GALNT13: variants seen among roughly 807,000 people sequenced by gnomAD.
GALNT13 encodes UDP-GalNAc:polypeptide N-acetylgalactosaminyltransferase 13.
GALNT13 carries 28 observed loss-of-function variants against 64.2 expected under a neutral mutation model. The ratio of observed to expected loss-of-function variants is 0.44; its 90% CI spans 0.32 to 0.60. The LOEUF (loss-of-function observed/expected upper bound fraction) is 0.60. Among genes scored for constraint, GALNT13 ranks in the 20% least tolerant of loss-of-function variants. The pLI, the probability that GALNT13 is intolerant of heterozygous loss-of-function variation, is 0.05. For missense variants in GALNT13, 577 were observed against 669.8 expected (o/e 0.86, Z 1.53); for synonymous variants, 214 against 224.6 (o/e 0.95, Z 0.42).
the GALNT13 span, among the ~76,000 whole-genome samples, chr2:153,098,572 A>C: frequency 2.6e-5 from 4 of 152,342 alleles, no homozygotes; most frequent in South Asian, 8.3e-4. Context: ...AAAAAATTTA[A>C]AATCAAATTC....
At chr2:153,550,317 C>T in the GALNT13 span, among the ~76,000 whole-genome samples, 1 of 152,064 alleles carries the variant, frequency 6.6e-6, no homozygotes, top group Non-Finnish European at 1.5e-5. Flanking sequence ...TCACTGCAAC[C>T]TCTGCCTCCC....
the GALNT13 span, among the ~76,000 whole-genome samples, chr2:153,838,320 T>C: frequency 2.0e-5 from 3 of 152,010 alleles, no homozygotes; most frequent in Non-Finnish European, 4.4e-5. Flanking sequence ...AAAAAAGCAT[T>C]GTCCAGACCA....
chr2:153,842,615 A>C, the GALNT13 span, among the ~76,000 whole-genome samples: 1 of 152,108 alleles, frequency 6.6e-6, no homozygotes, highest in African/African-American at 2.4e-5. Context: ...AAGAAAAATT[A>C]AACTATCCAG....
the GALNT13 span, among the ~76,000 whole-genome samples, chr2:153,287,175 A>G: frequency 1.3e-5 from 2 of 152,164 alleles, no homozygotes; most frequent in East Asian, 1.9e-4. Flanking sequence ...CAGGCACGCG[A>G]TGGGGGTGTG....
At chr2:153,364,812 A>G in the GALNT13 span, among the ~76,000 whole-genome samples, 1 of 152,224 alleles carries the variant, frequency 6.6e-6, no homozygotes, top group Non-Finnish European at 1.5e-5. Context: ...CATACTGCCC[A>G]AAGTAATTTA....
chr2:153,401,323 G>C, the GALNT13 span, among the ~76,000 whole-genome samples: 1 of 151,698 alleles, frequency 6.6e-6, no homozygotes, highest in Admixed American at 6.6e-5. Flanking sequence ...TTTTACATTT[G>C]CTGAGGAGAG....
the GALNT13 span, among the ~76,000 whole-genome samples, chr2:153,154,603 G>A: frequency 1.5e-4 from 23 of 152,034 alleles, no homozygotes; most frequent in African/African-American, 5.3e-4. Context: ...ACTTTGTACC[G>A]TGAGACTTTG....
At chr2:154,277,308 C>A (rs774596155) in intron 8 of GALNT13, among the ~76,000 whole-genome samples, 7 of 152,076 alleles carry the variant, frequency 4.6e-5, no homozygotes, top group Admixed American at 2.0e-4. Context: ...TGTATATGTT[C>A]AGTTAGGAAA....
At chr2:153,843,677 T>G in the GALNT13 span, among the ~76,000 whole-genome samples, 1 of 152,216 alleles carries the variant, frequency 6.6e-6, no homozygotes, top group Admixed American at 6.5e-5. Flanking sequence ...AAGGCAAGTT[T>G]CTTCCACCTA....
chr2:154,331,202 GA>G (rs1308686497), intron 9 of GALNT13, among the ~76,000 whole-genome samples: 1 of 152,064 alleles, frequency 6.6e-6, no homozygotes, highest in African/African-American at 2.4e-5. Context: ...AAGCTTTAGA[GA>G]AGGGGGAAAT....
the GALNT13 span, among the ~76,000 whole-genome samples, chr2:153,521,354 A>G: frequency 6.6e-6 from 1 of 152,182 alleles, no homozygotes; most frequent in Non-Finnish European, 1.5e-5. Context: ...TATTGTCCAA[A>G]AACATAAACT....
chr2:154,265,271 C>T (rs1039224451), intron 8 of GALNT13, among the ~76,000 whole-genome samples: 2 of 151,520 alleles, frequency 1.3e-5, no homozygotes, highest in Non-Finnish European at 2.9e-5. Flanking sequence ...CCAAACAGCC[C>T]TGTATCTAGT....
the GALNT13 span, among the ~76,000 whole-genome samples, chr2:153,420,428 A>G: frequency 6.6e-6 from 1 of 152,208 alleles, no homozygotes; most frequent in African/African-American, 2.4e-5. Flanking sequence ...ATAATTCAAA[A>G]AAATTTAAAA....
At chr2:153,750,953 A>G in the GALNT13 span, among the ~76,000 whole-genome samples, 5 of 151,832 alleles carry the variant, frequency 3.3e-5, no homozygotes, top group Admixed American at 6.6e-5. Context: ...TAAAGCTACA[A>G]GCTTCCCTCT....
intron 3 of GALNT13, among the ~76,000 whole-genome samples, chr2:154,008,857 G>C (rs1202303154): frequency 6.6e-6 from 1 of 152,036 alleles, no homozygotes; most frequent in Non-Finnish European, 1.5e-5. Context: ...TGGGCATTTA[G>C]GTTGATTACA....
intron 2 of GALNT13, among the ~76,000 whole-genome samples, chr2:153,921,874 T>C (rs532055773): frequency 6.6e-6 from 1 of 152,132 alleles, no homozygotes; most frequent in East Asian, 1.9e-4. Context: ...TTTTTATAAT[T>C]GAAAAAAGAC....
chr2:153,729,338 T>C, the GALNT13 span, among the ~76,000 whole-genome samples: 1 of 152,168 alleles, frequency 6.6e-6, no homozygotes, highest in Non-Finnish European at 1.5e-5. Context: ...TTTTCTTCTG[T>C]GGATTAAATG....
At chr2:153,141,249 A>G in the GALNT13 span, among the ~76,000 whole-genome samples, 1 of 151,986 alleles carries the variant, frequency 6.6e-6, no homozygotes. Flanking sequence ...GTATGGATAT[A>G]TGGCCACTTG....
the GALNT13 span, among the ~76,000 whole-genome samples, chr2:153,407,079 T>C: frequency 6.6e-6 from 1 of 152,164 alleles, no homozygotes; most frequent in African/African-American, 2.4e-5. Flanking sequence ...AAAATATTTC[T>C]ATTATCAGTG....
Sources: gnomAD v4.1 joint callset for allele counts (sites outside exome capture counted in the v4.1 genomes callset) on GRCh38, gnomAD v4.1.1 for gene constraint, MANE v1.5 for transcripts, NCBI Gene and HGNC (gene_info 2026-07-23, HGNC 2026-07-21) for gene names.